The following SYNPR variants were observed in gnomAD, a reference collection of about 807,000 sequenced individuals.
SYNPR encodes the protein synaptoporin.
A neutral mutation model predicts 32.9 loss-of-function variants in SYNPR; 23 were observed. That is an observed-to-expected ratio of 0.70 (90% CI 0.50 to 0.99). SYNPR has a LOEUF of 0.99. SYNPR is among the 50% of genes least tolerant of loss of function. The probability of loss-of-function intolerance (pLI) is 0.00; values close to 1 mark genes in which losing one functional copy is unlikely to be tolerated. For synonymous variants in SYNPR, 146 were observed against 135.9 expected, an observed-to-expected ratio of 1.07 and a Z score of -0.52; for missense variants, 318 against 349.3, an observed-to-expected ratio of 0.91 and a Z score of 0.71.
Position 63,251,187 on chromosome 3 carries a change from G to A in SYNPR, n.67-1312G>A, listed in dbSNP as rs552839649. Among the ~76,000 whole-genome samples the A allele has an allele frequency of 1.1e-4, 16 of 152,050 alleles. No individual in the cohort carries two copies. In the South Asian group the frequency reaches 2.1e-3, roughly 20 times the overall value. ...AAATAAAACAAGGAAATTGAAGGAC[G>A]AAAGAAGAAATAAATATGCATGAAA... On this transcript the variant is annotated intron_variant and non_coding_transcript_variant, in intron 1 of 4. Transcript: ENST00000478456.
intron 2 of SYNPR, among the ~76,000 whole-genome samples, chr3:63,344,554 T>TTA (rs1291741788): frequency 6.7e-6 from 1 of 149,126 alleles, no homozygotes; most frequent in East Asian, 1.9e-4. Flanking sequence ...AAAAAGATTT[T>TTA]TTTTTTTTTT....
At chr3:63,295,009 C>T (rs991271415) in intron 2 of SYNPR, among the ~76,000 whole-genome samples, 5 of 152,036 alleles carry the variant, frequency 3.3e-5, no homozygotes, top group African/African-American at 7.2e-5. Context: ...GCACCATCTG[C>T]GGAATCTGAG....
At chr3:63,408,142 AAAAGAAAGAAAGAAAGAAAG>A (rs199743513) in intron 2 of SYNPR, among the ~76,000 whole-genome samples, 21 of 28,512 alleles carry the variant, frequency 7.4e-4, no homozygotes, top group East Asian at 5.2e-3. Flanking sequence ...TAGAAGAAAG[AAAAGAAAGAAAGAAAGAAAG>A]AAAGAAAGAA....
chr3:63,538,793 A>C (rs1702253180), intron 3 of SYNPR, among the ~76,000 whole-genome samples: 1 of 152,100 alleles, frequency 6.6e-6, no homozygotes, highest in Non-Finnish European at 1.5e-5. Context: ...GTGGTTTTGA[A>C]CCACTGAGTT....
intron 3 of SYNPR, among the ~76,000 whole-genome samples, chr3:63,494,421 A>ACG (rs1553641153): frequency 0.033 from 678 of 20,796 alleles, 10 homozygotes; most frequent in African/African-American, 0.19. Flanking sequence ...ATATATACGT[A>ACG]TATATATATA....
chr3:63,426,158 T>C (rs1264386084), intron 2 of SYNPR, among the ~76,000 whole-genome samples: 1 of 152,218 alleles, frequency 6.6e-6, no homozygotes, highest in Non-Finnish European at 1.5e-5. Flanking sequence ...ATGCCCATTA[T>C]GTGGATGAAG....
At chr3:63,420,376 C>T (rs1340082861) in intron 2 of SYNPR, among the ~76,000 whole-genome samples, 4 of 152,084 alleles carry the variant, frequency 2.6e-5, no homozygotes, top group African/African-American at 7.2e-5. Flanking sequence ...ATCAAATACA[C>T]AAGTGCATCA....
intron 2 of SYNPR, among the ~76,000 whole-genome samples, chr3:63,311,661 C>T (rs535532087): frequency 6.6e-6 from 1 of 152,074 alleles, no homozygotes; most frequent in South Asian, 2.1e-4. Flanking sequence ...GGGACCACTG[C>T]TGCAGAGAAT....
intron 2 of SYNPR, among the ~76,000 whole-genome samples, chr3:63,419,095 A>G (rs1383119424): frequency 1.3e-5 from 2 of 152,142 alleles, no homozygotes; most frequent in South Asian, 2.1e-4. Flanking sequence ...TCACTTGTCA[A>G]ACAAACTCTT....
At chr3:63,564,108 A>T (rs946903731) in intron 4 of SYNPR, among the ~76,000 whole-genome samples, 2 of 151,896 alleles carry the variant, frequency 1.3e-5, no homozygotes, top group African/African-American at 4.8e-5. Context: ...GAAGCCCCAA[A>T]AGTGTGTATG....
chr3:63,336,559 A>T (rs1235152500), intron 2 of SYNPR, among the ~76,000 whole-genome samples: 1 of 92,482 alleles, frequency 1.1e-5, no homozygotes, highest in Non-Finnish European at 2.3e-5. Flanking sequence ...AAAAAAAAAA[A>T]AAAGACTCTA....
Position 63,472,182 on chromosome 3 carries a change from C to A in SYNPR, c.85-8650C>A, listed in dbSNP as rs192222998. 3.5e-4 allele frequency among the ~76,000 whole-genome samples: 53 copies of A among 152,282 alleles called. No homozygotes were observed. In the Middle Eastern group the frequency reaches 0.014, roughly 39 times the overall value. ...AGAAGGCCTCAGTTAGAAAGCCCAT[C>A]TTCAATATTTCTGTATGAGTCTTTC... On this transcript the variant is annotated intron_variant, in intron 2 of 5. Coordinates refer to ENST00000478300, the MANE Select transcript of SYNPR (RefSeq NM_001130003.2).
At chr3:63,286,185 C>T (rs2086678884) in intron 2 of SYNPR, among the ~76,000 whole-genome samples, 1 of 152,088 alleles carries the variant, frequency 6.6e-6, no homozygotes, top group Non-Finnish European at 1.5e-5. Context: ...GGCGCTTGCT[C>T]CTTGGAATAT....
intron 4 of SYNPR, among the ~76,000 whole-genome samples, chr3:63,559,480 T>A (rs1414192658): frequency 6.6e-6 from 1 of 152,204 alleles, no homozygotes; most frequent in African/African-American, 2.4e-5. Flanking sequence ...ACATAGTTTT[T>A]AAAAATTATT....
At chr3:63,595,749 A>ATATATAGTTT (rs1699932787) in intron 4 of SYNPR, among the ~76,000 whole-genome samples, 1 of 44,406 alleles carries the variant, frequency 2.3e-5, no homozygotes, top group African/African-American at 1.3e-4. Flanking sequence ...ATATATATAT[A>ATATATAGTTT]TATATATATA....
At chr3:63,581,675 ACGG>A (rs1703094915) in intron 4 of SYNPR, among the ~76,000 whole-genome samples, 1 of 152,042 alleles carries the variant, frequency 6.6e-6, no homozygotes, top group Non-Finnish European at 1.5e-5. Flanking sequence ...TTTGTACAAC[ACGG>A]TCCTAAATAC....
At chr3:63,578,626 C>T (rs913648542) in intron 4 of SYNPR, among the ~76,000 whole-genome samples, 2 of 152,144 alleles carry the variant, frequency 1.3e-5, no homozygotes, top group African/African-American at 4.8e-5. Context: ...TACTGACCAT[C>T]AGATCTCCCA....
At chr3:63,221,332 G>T in the SYNPR span, among the ~76,000 whole-genome samples, 1 of 151,944 alleles carries the variant, frequency 6.6e-6, no homozygotes, top group Non-Finnish European at 1.5e-5. Context: ...GAAGAAAAGG[G>T]GGCTCTAGGG....
At position 63,540,321 on chromosome 3, in the gene SYNPR, G is replaced by A. The variant is rs554597278; in HGVS notation, c.210-16222G>A. 2.5e-4 allele frequency among the ~76,000 whole-genome samples: 38 copies of A among 152,254 alleles called. No homozygotes were observed. The South Asian group carries it at 5.2e-3, about 21-fold the overall frequency. On this transcript the variant is annotated intron_variant, in intron 3 of 5. Transcript: ENST00000478300. ...CAAAGAAATTAAGAAATTAGCTCATGTGACACAGCAAGGAAGTGGTGGAGA... is the reference window on the plus strand; with the variant it reads ...CAAAGAAATTAAGAAATTAGCTCATATGACACAGCAAGGAAGTGGTGGAGA...
Sources: allele counts gnomAD v4.1 joint callset (sites outside exome capture counted in the v4.1 genomes callset), GRCh38; gene constraint gnomAD v4.1.1; transcripts MANE v1.5; gene names NCBI Gene and HGNC (gene_info 2026-07-23, HGNC 2026-07-21).